Variants in BAIAP2L1 observed in about 807,000 individuals in gnomAD.
BAIAP2L1 encodes the protein BAR/IMD domain containing adaptor protein 2 like 1, also known as BAR/IMD domain-containing adapter protein 2-like 1.
Under a neutral mutation model 66.3 loss-of-function variants are expected in BAIAP2L1, and 35 were observed. The ratio of observed to expected loss-of-function variants is 0.53; its 90% CI spans 0.40 to 0.70. BAIAP2L1 has a LOEUF of 0.70. Ranked by LOEUF, BAIAP2L1 falls within the 30% of genes least tolerant of loss-of-function variation. The pLI, the probability that BAIAP2L1 is intolerant of heterozygous loss-of-function variation, is 0.00. For synonymous variants in BAIAP2L1, 269 were observed against 248.7 expected (o/e 1.08, Z -0.77); for missense variants, 622 against 656.9 (o/e 0.95, Z 0.58).
chr7:98,295,066 G>A (rs1388498873), intron 12 of BAIAP2L1, among the ~76,000 whole-genome samples: 3 of 152,222 alleles, frequency 2.0e-5, no homozygotes, highest in African/African-American at 4.8e-5. Flanking sequence ...ACAGCCCCAG[G>A]AAGCGTCCCA....
intron 1 of BAIAP2L1, among the ~76,000 whole-genome samples, chr7:98,373,217 G>A (rs1401439071): frequency 6.6e-6 from 1 of 152,192 alleles, no homozygotes; most frequent in Non-Finnish European, 1.5e-5. Flanking sequence ...GGTCACAAGA[G>A]TCATGCTGTT....
intron 1 of BAIAP2L1, among the ~76,000 whole-genome samples, chr7:98,378,416 C>A (rs564995606): frequency 1.3e-5 from 2 of 152,286 alleles, no homozygotes; most frequent in South Asian, 4.1e-4. Flanking sequence ...TGGGTTTGGG[C>A]TGAGGCACAC....
At chr7:98,322,722 C>A in intron 3 of BAIAP2L1, 1 of 152,444 alleles carries the variant, frequency 6.6e-6, no homozygotes. Flanking sequence ...CTCATGCCTG[C>A]CCAACCCCAA....
intron 12 of BAIAP2L1, among the ~76,000 whole-genome samples, chr7:98,300,758 C>T (rs1251822560): frequency 5.3e-5 from 8 of 152,138 alleles, no homozygotes; most frequent in Middle Eastern, 3.2e-3. Flanking sequence ...CGGCACCACT[C>T]CCCTCGCAGG....
chr7:98,394,130 C>A (rs1562796437), intron 1 of BAIAP2L1, among the ~76,000 whole-genome samples: 1 of 151,978 alleles, frequency 6.6e-6, no homozygotes, highest in African/African-American at 2.4e-5. Flanking sequence ...GTAGTCCCAG[C>A]TACTCGGGAG....
At chr7:98,385,281 C>A (rs1802859897) in intron 1 of BAIAP2L1, among the ~76,000 whole-genome samples, 1 of 151,982 alleles carries the variant, frequency 6.6e-6, no homozygotes, top group Admixed American at 6.6e-5. Flanking sequence ...TGCACTCCAG[C>A]CTGGGTGACA....
intron 12 of BAIAP2L1, among the ~76,000 whole-genome samples, chr7:98,299,825 G>C (rs1301844738): frequency 6.6e-6 from 1 of 152,148 alleles, no homozygotes; most frequent in Non-Finnish European, 1.5e-5. Flanking sequence ...AGGATCACCT[G>C]AGATCAGGAG....
At chr7:98,391,467 T>G (rs1803041850) in intron 1 of BAIAP2L1, among the ~76,000 whole-genome samples, 1 of 151,894 alleles carries the variant, frequency 6.6e-6, no homozygotes, top group African/African-American at 2.4e-5. Context: ...CCAACACTTT[T>G]GGGAGGATGA....
At chr7:98,330,642 GC>G (rs966256979) in intron 3 of BAIAP2L1, among the ~76,000 whole-genome samples, 153 of 152,264 alleles carry the variant, frequency 1.0e-3, no homozygotes, top group African/African-American at 3.3e-3. Flanking sequence ...GGGTGACAGA[GC>G]AAAACTGTTT....
intron 1 of BAIAP2L1, chr7:98,386,701 T>G (rs1416321060): frequency 1.3e-6 from 1 of 749,416 alleles, no homozygotes; most frequent in Non-Finnish European, 2.0e-6. Context: ...AGGTTTTTTT[T>G]TTTTTTTTTT....
intron 3 of BAIAP2L1, among the ~76,000 whole-genome samples, chr7:98,341,518 TA>T (rs1259097136): frequency 6.6e-6 from 1 of 151,990 alleles, no homozygotes; most frequent in South Asian, 2.1e-4. Flanking sequence ...CCCCCATCTC[TA>T]AAAAAAATTT....
At chr7:98,360,988 G>C (rs533981393) in intron 2 of BAIAP2L1, among the ~76,000 whole-genome samples, 1 of 152,260 alleles carries the variant, frequency 6.6e-6, no homozygotes, top group South Asian at 2.1e-4. Flanking sequence ...CCTTTCCTGG[G>C]GCAGGTTCAT....
At chr7:98,329,899 G>GT (rs1801454620) in intron 3 of BAIAP2L1, among the ~76,000 whole-genome samples, 1 of 152,106 alleles carries the variant, frequency 6.6e-6, no homozygotes, top group Non-Finnish European at 1.5e-5. Context: ...GCACAGAGCC[G>GT]TAAGTAAGAC....
intron 1 of BAIAP2L1, among the ~76,000 whole-genome samples, chr7:98,385,392 T>C (rs1040132855): frequency 6.6e-6 from 1 of 152,146 alleles, no homozygotes; most frequent in African/African-American, 2.4e-5. Flanking sequence ...AATTCTTTAC[T>C]TTTATTTCTC....
chr7:98,342,164 GCCT>G (rs1801757335), intron 3 of BAIAP2L1, among the ~76,000 whole-genome samples: 1 of 148,834 alleles, frequency 6.7e-6, no homozygotes, highest in African/African-American at 2.5e-5. Flanking sequence ...TGATTCTCAT[GCCT>G]CAGCCTCCCA....
chr7:98,375,482 G>C (rs902661864), intron 1 of BAIAP2L1, among the ~76,000 whole-genome samples: 1 of 151,916 alleles, frequency 6.6e-6, no homozygotes, highest in Non-Finnish European at 1.5e-5. Flanking sequence ...AGGCGCAGTG[G>C]CTCATGCCTA....
In BAIAP2L1 at chr7:98,312,623, C is replaced by CT. The variant is rs1440808404; in HGVS notation, c.640-360dup. Among the ~76,000 whole-genome samples the CT allele has an allele frequency of 4.6e-5, 7 of 152,234 alleles. No individual in the cohort carries two copies. In the East Asian group the frequency reaches 1.3e-3, roughly 29 times the overall value. On this transcript the variant is annotated intron_variant, in intron 7 of 13. Coordinates refer to ENST00000005260, the MANE Select transcript of BAIAP2L1 (RefSeq NM_018842.5). ...GTGGCCCCAGAAACGCCAACCATCA[C>CT]TTTCTCCCTCCCACTCCTACTAAAA...
chr7:98,314,577 C>T (rs1340419065), intron 7 of BAIAP2L1, among the ~76,000 whole-genome samples: 2 of 152,290 alleles, frequency 1.3e-5, no homozygotes, highest in East Asian at 1.9e-4. Flanking sequence ...TCGAACCTCA[C>T]AGCTGTGTGT....
intron 3 of BAIAP2L1, among the ~76,000 whole-genome samples, chr7:98,329,712 T>TAA (rs1801450451): frequency 3.5e-5 from 4 of 113,568 alleles, no homozygotes; most frequent in Non-Finnish European, 6.3e-5. Flanking sequence ...GTAAAGGGAT[T>TAA]TAAAAAAAAA....
Sources: allele counts gnomAD v4.1 joint callset (sites outside exome capture counted in the v4.1 genomes callset), GRCh38; gene constraint gnomAD v4.1.1; transcripts MANE v1.5; gene names NCBI Gene and HGNC (gene_info 2026-07-23, HGNC 2026-07-21).